DAO: variants seen among roughly 807,000 people sequenced by gnomAD.
The protein encoded by DAO is D-amino acid oxidase.
DAO carries 51 observed loss-of-function variants against 50.1 expected under a neutral mutation model. The observed-to-expected ratio is 1.02, with a 90% CI of 0.81 to 1.29. The LOEUF (loss-of-function observed/expected upper bound fraction) is 1.29. Ranked by LOEUF, DAO falls within the 50% of genes most tolerant of loss-of-function variation. The probability of loss-of-function intolerance (pLI) is 0.00; values close to 1 mark genes in which losing one functional copy is unlikely to be tolerated. For synonymous variants in DAO, 160 were observed against 166.2 expected (o/e 0.96, Z 0.29); for missense variants, 436 against 439.4 (o/e 0.99, Z 0.07).
chr12:108,891,594 G>A (rs1205631218), intron 5 of DAO, among the ~76,000 whole-genome samples: 1 of 151,826 alleles, frequency 6.6e-6, no homozygotes, highest in African/African-American at 2.4e-5. Flanking sequence ...TCATAAATTT[G>A]CTTTTTTTCA....
intron 8 of DAO, among the ~76,000 whole-genome samples, chr12:108,897,500 A>G (rs991094671): frequency 1.3e-5 from 2 of 148,514 alleles, no homozygotes; most frequent in Admixed American, 6.7e-5. Context: ...TACAGGCGTG[A>G]GCCACCGTGC....
At chr12:108,894,883 T>A (rs1457578103) in intron 7 of DAO, among the ~76,000 whole-genome samples, 1 of 152,002 alleles carries the variant, frequency 6.6e-6, no homozygotes, top group African/African-American at 2.4e-5. Flanking sequence ...GCTCAGCCAA[T>A]TTTTTTATTT....
chr12:108,900,665 AGCCACAAAGTCAGT>A lies in DAO; in HGVS notation c.*134_*147del. Reference sequence around the variant, plus strand: ...CTCAAAGAAGCATGAGGTGAGAGAAAGCCACAAAGTCAGTGCCTGGAGAAGGGTTCAGCCCAACA... The same window carrying A: ...CTCAAAGAAGCATGAGGTGAGAGAAAGCCTGGAGAAGGGTTCAGCCCAACA... On this transcript the variant is annotated 3_prime_UTR_variant, in exon 11 of 11. Coordinates refer to ENST00000228476, the MANE Select transcript of DAO (RefSeq NM_001917.5). 1 of 1,384,880 alleles carries A rather than the reference AGCCACAAAGTCAGT, an allele frequency of 7.2e-7. No individual in the cohort carries two copies. The highest frequency in any genetic ancestry group is 2.5e-5 in the East Asian group (1 of 40,158). 85.8% of individuals were successfully genotyped at this position (1,384,880 alleles called of 1,614,324 possible).
chr12:108,892,978 C>G lies in DAO; in HGVS notation c.453-4C>G. 1 of 1,613,856 alleles carries G rather than the reference C, an allele frequency of 6.2e-7. No individual in the cohort carries two copies. Among genetic ancestry groups the G allele is most frequent in the Non-Finnish European group, 8.5e-7 (1 of 1,179,804 alleles). On this transcript the variant is annotated splice_region_variant and splice_polypyrimidine_tract_variant and intron_variant, in intron 5 of 10. Transcript: ENST00000228476. Reference sequence around the variant, plus strand: ...GGGCTTTTTGATGTGTTTGATCATCCCAGGTTAACTGAGAGGGGAGTGAAG... The same window carrying G: ...GGGCTTTTTGATGTGTTTGATCATCGCAGGTTAACTGAGAGGGGAGTGAAG...
At chr12:108,895,214 C>T (rs1373443779) in intron 7 of DAO, among the ~76,000 whole-genome samples, 1 of 140,436 alleles carries the variant, frequency 7.1e-6, no homozygotes, top group Non-Finnish European at 1.5e-5. Context: ...AAGCATTGTT[C>T]CATGCCTCCT....
intron 8 of DAO, among the ~76,000 whole-genome samples, chr12:108,897,905 C>T (rs2039577596): frequency 6.6e-6 from 1 of 151,486 alleles, no homozygotes; most frequent in Non-Finnish European, 1.5e-5. Flanking sequence ...CATGTTCACA[C>T]CACTGTACTC....
chr12:108,885,095 T>G lies in DAO; in HGVS notation c.89T>G (p.Leu30Arg), dbSNP rs1232720280. The change falls in exon 2 of 11, where the codon CTG becomes CGG. Residue 30 changes from leucine (L) to arginine (R), a missense_variant. Coordinates refer to ENST00000228476, the MANE Select transcript of DAO (RefSeq NM_001917.5). ...CGCTACCACTCAGTCCTGCAGCCAC[T>G]GGACATAAAGGTCTACGCGGACCGC... ...HERYHSVLQP[L>R]DIKVYADRFT... 2 of 1,614,092 alleles carry G rather than the reference T, an allele frequency of 1.2e-6. No homozygotes were observed. Among genetic ancestry groups the G allele is most frequent in the Admixed American group, 3.3e-5 (2 of 59,996 alleles).
intron 3 of DAO, among the ~76,000 whole-genome samples, chr12:108,888,852 AC>A (rs1408478895): frequency 6.6e-6 from 1 of 152,036 alleles, no homozygotes; most frequent in East Asian, 1.9e-4. Flanking sequence ...TCTTACCCTT[AC>A]CATAAATAGG....
intron 3 of DAO, among the ~76,000 whole-genome samples, chr12:108,888,155 C>T (rs1350777895): frequency 6.6e-6 from 1 of 152,198 alleles, no homozygotes; most frequent in African/African-American, 2.4e-5. Flanking sequence ...CCATCTGTGA[C>T]TCCATGGTGT....
rs538988921 is a variant in DAO, at chr12:108,887,842, T to A, written c.309+278T>A. Among the ~76,000 whole-genome samples, 9 of 152,360 alleles carry A rather than the reference T, an allele frequency of 5.9e-5. No individual in the cohort carries two copies. In the East Asian group the frequency reaches 1.5e-3, roughly 26 times the overall value. ...GCATGGCTAAAATACAAACATGTTCTGCAGTGACGGGCACTTGGTGCTGAA... is the reference window on the plus strand; with the variant it reads ...GCATGGCTAAAATACAAACATGTTCAGCAGTGACGGGCACTTGGTGCTGAA... On this transcript the variant is annotated intron_variant, in intron 3 of 10. Coordinates refer to ENST00000228476, the MANE Select transcript of DAO (RefSeq NM_001917.5).
intron 5 of DAO, 62 bp from the exon 6 acceptor site, chr12:108,892,920 C>T: frequency 6.7e-7 from 1 of 1,498,364 alleles, no homozygotes; most frequent in Non-Finnish European, 9.3e-7. Flanking sequence ...CTGTGCCACC[C>T]TCTTGGTGGG....
rs1234862278 is a variant in DAO, at chr12:108,900,781, C to T, written c.*246C>T. 4 of 439,306 alleles carry T rather than the reference C, an allele frequency of 9.1e-6. No individual in the cohort carries two copies. Among genetic ancestry groups the T allele is most frequent in the Non-Finnish European group, 1.7e-5 (4 of 236,096 alleles). 27.2% of individuals were successfully genotyped at this position (439,306 alleles called of 1,614,324 possible). On this transcript the variant is annotated 3_prime_UTR_variant, in exon 11 of 11. Transcript: ENST00000228476. The stretch of plus-strand genomic sequence containing the variant: ...ATAAAGAACAGCTGAGGCTGTCATT[C>T]CATGAGTCTTCAGAAGAAAGGACAG...
At position 108,899,369 on chromosome 12, in the gene DAO, C is replaced by G. The variant is rs930865044; in HGVS notation, c.814-8C>G. On this transcript the variant is annotated splice_polypyrimidine_tract_variant and splice_region_variant and intron_variant, in intron 9 of 10. Transcript: ENST00000228476. ...CCAGAAATGAGTGATCAGCACTTTT[C>G]TTTCCAGAATGCAAGAATTATTGGT... 4 of 1,610,870 alleles carry G rather than the reference C, an allele frequency of 2.5e-6. No individual in the cohort carries two copies. In the African/African-American group the frequency reaches 5.3e-5, roughly 22 times the overall value.
intron 7 of DAO, among the ~76,000 whole-genome samples, chr12:108,896,771 C>T (rs1299792401): frequency 1.3e-5 from 2 of 152,126 alleles, no homozygotes; most frequent in Admixed American, 6.5e-5. Context: ...TGCTTTTCTT[C>T]GGACATGTGG....
chr12:108,891,133 T>C (rs186563383), intron 5 of DAO, among the ~76,000 whole-genome samples: 192 of 152,230 alleles, frequency 1.3e-3, no homozygotes, highest in African/African-American at 4.4e-3. Context: ...ATTCCATACA[T>C]TTTTTATATA....
rs1466646338 is a variant in DAO at position 108,900,316 on chromosome 12, C to T, written c.913-88C>T. 7 of 1,541,650 alleles carry T rather than the reference C, an allele frequency of 4.5e-6. No individual in the cohort carries two copies. The African/African-American group carries it at 9.5e-5, about 21-fold the overall frequency. On this transcript the variant is annotated intron_variant, in intron 10 of 10. Transcript: ENST00000228476. ...GCTTTGCCCAGGACTCTTCGGGAGGCTCCTGAGTCTTCCAGGGCAGAAGAG... is the reference window on the plus strand; with the variant it reads ...GCTTTGCCCAGGACTCTTCGGGAGGTTCCTGAGTCTTCCAGGGCAGAAGAG...
rs2039525540 is a variant in DAO at position 108,894,437 on chromosome 12, C to T, written c.612+70C>T. ...CATTCTGCATGCTTATTTCATCCCT[C>T]AAGATCATGGACAAATCAGGAACAT... On this transcript the variant is annotated intron_variant, in intron 7 of 10. Coordinates refer to ENST00000228476, the MANE Select transcript of DAO (RefSeq NM_001917.5). 3.2e-6 allele frequency: 4 copies of T among 1,238,864 alleles called. No homozygotes were observed. The African/African-American group carries it at 4.5e-5, about 14-fold the overall frequency. 76.7% of individuals were successfully genotyped at this position (1,238,864 alleles called of 1,614,324 possible).
At chr12:108,898,631 C>G (rs764350221) in intron 8 of DAO, 48 bp from the exon 9 acceptor site, 1 of 1,280,858 alleles carries the variant, frequency 7.8e-7, no homozygotes, top group Non-Finnish European at 1.1e-6. Flanking sequence ...TTATTCATCT[C>G]AGAGCCTTCA....
rs746066405 is a variant in DAO, at chr12:108,892,953, G to A, written c.453-29G>A. Reference sequence around the variant, plus strand: ...GGGATGGGGCAGATAGCTGAATACTGGGCTTTTTGATGTGTTTGATCATCC... The same window carrying A: ...GGGATGGGGCAGATAGCTGAATACTAGGCTTTTTGATGTGTTTGATCATCC... On this transcript the variant is annotated intron_variant, in intron 5 of 10. Coordinates refer to ENST00000228476, the MANE Select transcript of DAO (RefSeq NM_001917.5). 4 of 1,610,580 alleles carry A rather than the reference G, an allele frequency of 2.5e-6. No individual in the cohort carries two copies. In the African/African-American group the frequency reaches 5.3e-5, roughly 22 times the overall value.
Sources: allele counts gnomAD v4.1 joint callset (sites outside exome capture counted in the v4.1 genomes callset), GRCh38; gene constraint gnomAD v4.1.1; transcripts MANE v1.5; gene names NCBI Gene and HGNC (gene_info 2026-07-23, HGNC 2026-07-21).